Variants in ADAMTS17 observed in about 807,000 individuals in gnomAD.
ADAMTS17 encodes ADAM metallopeptidase with thrombospondin type 1 motif 17, also known as A disintegrin and metalloproteinase with thrombospondin motifs 17.
In ADAMTS17, 113 loss-of-function variants were observed where a neutral mutation model predicts 141.5. The ratio of observed to expected loss-of-function variants is 0.80; its 90% CI spans 0.69 to 0.93. The LOEUF is 0.93. Ranked by LOEUF, ADAMTS17 falls within the 40% of genes least tolerant of loss-of-function variation. The pLI, the probability that ADAMTS17 is intolerant of heterozygous loss-of-function variation, is 0.00. For missense variants in ADAMTS17, 1,659 were observed against 1,517.9 expected, an observed-to-expected ratio of 1.09 and a Z score of -1.54; for synonymous variants, 768 against 630.6, an observed-to-expected ratio of 1.22 and a Z score of -3.27.
chr15:100,137,400 T>C (rs2038389950), intron 10 of ADAMTS17, among the ~76,000 whole-genome samples: 1 of 152,210 alleles, frequency 6.6e-6, no homozygotes, highest in African/African-American at 2.4e-5. Context: ...AACTGAGATA[T>C]AAGAACTTCC....
intron 7 of ADAMTS17, among the ~76,000 whole-genome samples, chr15:100,252,483 G>A (rs2141954587): frequency 6.6e-6 from 1 of 152,330 alleles, no homozygotes; most frequent in South Asian, 2.1e-4. Flanking sequence ...CACGGGGCAA[G>A]CCAGGAAGCA....
Position 100,199,500 on chromosome 15 carries a change from A to T in ADAMTS17, c.1076-77T>A, listed in dbSNP as rs537349625. 2.5e-6 allele frequency: 3 copies of T among 1,189,062 alleles called. No individual in the cohort carries two copies. In the Admixed American group the frequency reaches 5.0e-5, roughly 20 times the overall value. 73.7% of individuals were successfully genotyped at this position (1,189,062 alleles called of 1,614,324 possible). On this transcript the variant is annotated intron_variant, in intron 7 of 21. Coordinates refer to ENST00000268070, the MANE Select transcript of ADAMTS17 (RefSeq NM_139057.4). ...CTCACCGGGCAAGTCCGCACGGTCA[A>T]CGTCATGCACAATCAAGGCAGGCAC...
intron 14 of ADAMTS17, among the ~76,000 whole-genome samples, chr15:100,106,237 C>T (rs533041369): frequency 1.9e-4 from 29 of 152,290 alleles, no homozygotes; most frequent in Non-Finnish European, 4.3e-4. Context: ...TCACCAGAAC[C>T]CATCTATGCC....
At chr15:100,176,822 A>G (rs2040355510) in intron 8 of ADAMTS17, among the ~76,000 whole-genome samples, 1 of 152,210 alleles carries the variant, frequency 6.6e-6, no homozygotes, top group African/African-American at 2.4e-5. Flanking sequence ...CTCCATCTCA[A>G]TAACTGTTAT....
chr15:100,301,337 A>T (rs188186648), intron 3 of ADAMTS17, among the ~76,000 whole-genome samples: 60 of 150,994 alleles, frequency 4.0e-4, no homozygotes, highest in South Asian at 3.3e-3. Context: ...ATATATATAT[A>T]TATTTTTCTG....
chr15:100,268,091 G>A (rs920664374), intron 4 of ADAMTS17, among the ~76,000 whole-genome samples: 2 of 151,804 alleles, frequency 1.3e-5, no homozygotes, highest in East Asian at 3.9e-4. Flanking sequence ...TAGGATAATG[G>A]CCTTTAGCTG....
chr15:100,124,294 A>G (rs2037606639), intron 12 of ADAMTS17, among the ~76,000 whole-genome samples: 1 of 152,254 alleles, frequency 6.6e-6, no homozygotes, highest in Non-Finnish European at 1.5e-5. Context: ...CGTGAATAAA[A>G]TAGAAGCTTA....
At chr15:100,299,120 T>G (rs1327830144) in intron 3 of ADAMTS17, among the ~76,000 whole-genome samples, 1 of 152,114 alleles carries the variant, frequency 6.6e-6, no homozygotes, top group African/African-American at 2.4e-5. Flanking sequence ...ATTACCTCTT[T>G]AAAGACCCCA....
chr15:100,284,926 G>T (rs2044398019), intron 3 of ADAMTS17, among the ~76,000 whole-genome samples: 1 of 152,224 alleles, frequency 6.6e-6, no homozygotes, highest in Non-Finnish European at 1.5e-5. Flanking sequence ...TCCAAGCTCT[G>T]CTCGTGACCA....
intron 8 of ADAMTS17, among the ~76,000 whole-genome samples, chr15:100,170,154 G>C (rs1193799907): frequency 6.6e-6 from 1 of 152,098 alleles, no homozygotes; most frequent in Non-Finnish European, 1.5e-5. Context: ...GGGGCATGGG[G>C]TGGGGGTAGA....
intron 7 of ADAMTS17, among the ~76,000 whole-genome samples, chr15:100,227,994 A>G (rs541546201): frequency 8.5e-5 from 13 of 152,296 alleles, no homozygotes; most frequent in African/African-American, 2.9e-4. Flanking sequence ...CTCTTTGATG[A>G]TGAATCCCGA....
intron 15 of ADAMTS17, among the ~76,000 whole-genome samples, chr15:100,087,352 T>A (rs1183887332): frequency 1.3e-5 from 2 of 152,144 alleles, no homozygotes; most frequent in African/African-American, 4.8e-5. Flanking sequence ...ATTAATAGCT[T>A]ACCAACCAAA....
At chr15:100,154,198 A>C (rs924466486) in intron 9 of ADAMTS17, among the ~76,000 whole-genome samples, 10 of 151,798 alleles carry the variant, frequency 6.6e-5, no homozygotes, top group Non-Finnish European at 1.5e-5. Context: ...AAACAAACAA[A>C]CCCAACCCAT....
Position 100,268,791 on chromosome 15 carries a change from T to C in ADAMTS17, c.790-6356A>G, listed in dbSNP as rs147546273. ...TTAGAAAAAACTATTCTAAACTTCA[T>C]ATAGAACCAAAAAAGGGGCAGAACA... On this transcript the variant is annotated intron_variant, in intron 4 of 21. Coordinates refer to ENST00000268070, the MANE Select transcript of ADAMTS17 (RefSeq NM_139057.4). Among the ~76,000 whole-genome samples the C allele has an allele frequency of 7.6e-3, 1,158 of 152,296 alleles. 18 individuals are homozygous for C. Among genetic ancestry groups the C allele is most frequent in the African/African-American group, 0.026 (1,099 of 41,548 alleles).
intron 4 of ADAMTS17, among the ~76,000 whole-genome samples, chr15:100,263,186 C>CAGAT (rs1290402108): frequency 3.3e-5 from 5 of 152,288 alleles, no homozygotes; most frequent in African/African-American, 7.2e-5. Context: ...CTGGGGGAGA[C>CAGAT]AGATGCCTGC....
chr15:100,285,358 C>G (rs1025656681), intron 3 of ADAMTS17, among the ~76,000 whole-genome samples: 5 of 152,132 alleles, frequency 3.3e-5, no homozygotes, highest in African/African-American at 1.2e-4. Context: ...TAGTTCTCCA[C>G]TTTGAAAACT....
Position 99,976,276 on chromosome 15 carries a change from T to G in ADAMTS17, c.2950-54A>C, listed in dbSNP as rs2060327062. 11 of 1,529,242 alleles carry G rather than the reference T, an allele frequency of 7.2e-6. No homozygotes were observed. The East Asian group carries it at 2.7e-4, about 38-fold the overall frequency. 94.7% of individuals were successfully genotyped at this position (1,529,242 alleles called of 1,614,324 possible). On this transcript the variant is annotated intron_variant, in intron 20 of 21. Transcript: ENST00000268070. ...CTGACATGAGGTCAAGGGACTGGGA[T>G]GATGGCCTCACAATGTGGCACTGCG...
At chr15:100,143,062 T>C (rs1465087188) in intron 10 of ADAMTS17, among the ~76,000 whole-genome samples, 1 of 152,100 alleles carries the variant, frequency 6.6e-6, no homozygotes, top group Non-Finnish European at 1.5e-5. Flanking sequence ...TGGGAAGCAG[T>C]AGGGAAAGGG....
intron 18 of ADAMTS17, among the ~76,000 whole-genome samples, chr15:100,045,940 G>C (rs1039751925): frequency 7.9e-5 from 12 of 152,112 alleles, no homozygotes; most frequent in Admixed American, 2.6e-4. Context: ...GAGTGCAGTG[G>C]TGTGATCTCA....
Sources: gnomAD v4.1 joint callset for allele counts (sites outside exome capture counted in the v4.1 genomes callset) on GRCh38, gnomAD v4.1.1 for gene constraint, MANE v1.5 for transcripts, NCBI Gene and HGNC (gene_info 2026-07-23, HGNC 2026-07-21) for gene names.